CWC27: variants seen among roughly 807,000 people sequenced by gnomAD.
CWC27 encodes spliceosome-associated protein CWC27 homolog.
CWC27 carries 47 observed loss-of-function variants against 63.6 expected under a neutral mutation model. That is an observed-to-expected ratio of 0.74 (90% CI 0.58 to 0.94). The LOEUF (loss-of-function observed/expected upper bound fraction) is 0.94, where lower values mean the gene tolerates loss of function less well. Among genes scored for constraint, CWC27 ranks in the 40% least tolerant of loss-of-function variants. The pLI is 0.00. For synonymous variants in CWC27, 175 were observed against 179.8 expected (o/e 0.97, Z 0.22); for missense variants, 495 against 554.3 (o/e 0.89, Z 1.07).
intron 11 of CWC27, among the ~76,000 whole-genome samples, chr5:64,891,560 A>C (rs1423866298): frequency 2.6e-5 from 4 of 152,208 alleles, no homozygotes; most frequent in African/African-American, 4.8e-5. Flanking sequence ...TTAAGAGTCC[A>C]TAAAGTACTT....
intron 1 of CWC27, 67 bp downstream of exon 1, chr5:64,769,255 T>TG: frequency 6.9e-7 from 1 of 1,443,036 alleles, no homozygotes; most frequent in Non-Finnish European, 9.7e-7. Context: ...GGATTTGGGG[T>TG]GGGGAGTGGG....
At chr5:65,001,930 T>G (rs1449892004) in intron 13 of CWC27, among the ~76,000 whole-genome samples, 1 of 152,052 alleles carries the variant, frequency 6.6e-6, no homozygotes, top group African/African-American at 2.4e-5. Context: ...TTGGTAGAAT[T>G]CAGCAGTAAA....
rs1746730214 is a variant in CWC27 at position 64,873,727 on chromosome 5, G to C, written c.939-11716G>C. Among the ~76,000 whole-genome samples the C allele has an allele frequency of 2.0e-5, 3 of 152,140 alleles. No individual in the cohort carries two copies. The South Asian group carries it at 6.2e-4, about 32-fold the overall frequency. On this transcript the variant is annotated intron_variant, in intron 10 of 13. Transcript: ENST00000381070. ...TTTGTTTTAGTTGTTCTGTGCTTTT[G>C]AGGTCTTAGATGTAAAAATCTTTGC...
At position 64,788,998 on chromosome 5, in the gene CWC27, A is replaced by G; in HGVS notation, c.647A>G (p.Glu216Gly). 1 of 1,604,262 alleles carries G rather than the reference A, an allele frequency of 6.2e-7. No homozygotes were observed. The change falls in exon 7 of 14, where the codon GAG (glutamate) becomes GGG (glycine). Residue 216 changes from glutamate to glycine, a missense_variant. Coordinates refer to ENST00000381070, the MANE Select transcript of CWC27 (RefSeq NM_005869.4). ...GGAGAGGAAGCTGAGGAAGAAGAGG[A>G]GGAAGTAAATCGAGTTAGTCAGGTA... ...SFGEEAEEEE[E>G]EVNRVSQSMK...
intron 13 of CWC27, among the ~76,000 whole-genome samples, chr5:65,007,729 G>A (rs1195430362): frequency 2.7e-5 from 4 of 149,682 alleles, no homozygotes; most frequent in African/African-American, 9.8e-5. Context: ...CCGGATTCAC[G>A]CCATTCTCCT....
At chr5:64,790,323 A>G (rs1744031966) in intron 7 of CWC27, among the ~76,000 whole-genome samples, 1 of 152,134 alleles carries the variant, frequency 6.6e-6, no homozygotes. Context: ...TAACGTCACC[A>G]ATCACTCTGT....
chr5:64,771,829 T>C (rs1464412310), intron 1 of CWC27, among the ~76,000 whole-genome samples: 1 of 152,198 alleles, frequency 6.6e-6, no homozygotes, highest in Non-Finnish European at 1.5e-5. Context: ...CCTTCTTTAT[T>C]AATTCAGTAG....
chr5:64,952,237 CAT>C (rs1748723297), intron 11 of CWC27, among the ~76,000 whole-genome samples: 1 of 151,904 alleles, frequency 6.6e-6, no homozygotes, highest in Non-Finnish European at 1.5e-5. Context: ...AAAGTCTGCA[CAT>C]GTTTAATACA....
At chr5:64,882,343 T>G (rs1212506594) in intron 10 of CWC27, among the ~76,000 whole-genome samples, 1 of 152,170 alleles carries the variant, frequency 6.6e-6, no homozygotes, top group African/African-American at 2.4e-5. Flanking sequence ...GATTTCAGGT[T>G]TGGACATAAA....
chr5:64,861,197 A>G (rs1242996027), intron 10 of CWC27, among the ~76,000 whole-genome samples: 2 of 151,780 alleles, frequency 1.3e-5, no homozygotes, highest in East Asian at 3.9e-4. Flanking sequence ...GTTTCTAAGA[A>G]GACATATTCC....
intron 11 of CWC27, among the ~76,000 whole-genome samples, chr5:64,887,485 G>C (rs992338072): frequency 2.0e-5 from 3 of 152,056 alleles, no homozygotes; most frequent in African/African-American, 7.2e-5. Flanking sequence ...TCGTACCTCA[G>C]CCTCCCAAGT....
intron 10 of CWC27, among the ~76,000 whole-genome samples, chr5:64,842,618 T>C (rs62369323): frequency 0.37 from 52,953 of 142,212 alleles, 9,730 homozygotes; most frequent in East Asian, 0.53. Context: ...TTTTTTTAAT[T>C]AGATAGGATC....
At chr5:65,014,466 C>G (rs2032884) in intron 13 of CWC27, among the ~76,000 whole-genome samples, 31,090 of 151,210 alleles carry the variant, frequency 0.21, 3,621 homozygotes, top group South Asian at 0.35. Flanking sequence ...TTAATCAAAC[C>G]TAAATTTTTG....
intron 10 of CWC27, among the ~76,000 whole-genome samples, chr5:64,840,432 C>T (rs1233116891): frequency 5.4e-4 from 29 of 53,612 alleles, no homozygotes; most frequent in Admixed American, 8.8e-4. Flanking sequence ...TATATATATA[C>T]TTATTAAGGA....
At chr5:64,794,684 G>A (rs1252453273) in intron 7 of CWC27, among the ~76,000 whole-genome samples, 1 of 152,090 alleles carries the variant, frequency 6.6e-6, no homozygotes, top group African/African-American at 2.4e-5. Context: ...ATAAAACTAA[G>A]TGAAAATATG....
chr5:64,772,624 CAAAAAAA>C (rs58675990), intron 1 of CWC27, among the ~76,000 whole-genome samples: 3 of 52,144 alleles, frequency 5.8e-5, no homozygotes, highest in Non-Finnish European at 1.1e-4. Flanking sequence ...GACTCTGTCT[CAAAAAAA>C]AAAAAAAAAA....
chr5:64,844,614 C>T (rs1485965697), intron 10 of CWC27, among the ~76,000 whole-genome samples: 1 of 152,184 alleles, frequency 6.6e-6, no homozygotes, highest in Non-Finnish European at 1.5e-5. Flanking sequence ...TTTACAACCC[C>T]ACCCAGGCAG....
chr5:64,794,953 T>C (rs1744213652), intron 7 of CWC27, among the ~76,000 whole-genome samples: 3 of 152,168 alleles, frequency 2.0e-5, no homozygotes. Flanking sequence ...TATTCAGTGA[T>C]CAAATTGTGC....
chr5:64,801,361 T>C, intron 9 of CWC27, 29 bp downstream of exon 9: 2 of 1,297,550 alleles, frequency 1.5e-6, no homozygotes, highest in South Asian at 1.7e-5. Context: ...ATTAATATAG[T>C]TTGAACAATT....
Sources: gnomAD v4.1 joint callset for allele counts (sites outside exome capture counted in the v4.1 genomes callset) on GRCh38, gnomAD v4.1.1 for gene constraint, MANE v1.5 for transcripts, NCBI Gene and HGNC (gene_info 2026-07-23, HGNC 2026-07-21) for gene names.